The following AIRIM variants were observed in gnomAD, a reference collection of about 807,000 sequenced individuals.
AIRIM encodes the protein AFG2 interacting ribosome maturation factor.
At chr1:37,689,960 G>A in the AIRIM span, 5 of 1,470,950 alleles carry the variant, frequency 3.4e-6, no homozygotes, top group Non-Finnish European at 4.5e-6. Context: ...GTCGAGGGTG[G>A]GCGTCATCTC....
the AIRIM span, chr1:37,690,312 G>T: frequency 7.7e-7 from 1 of 1,290,928 alleles, no homozygotes; most frequent in South Asian, 1.2e-5. Context: ...GGAGACCCTG[G>T]TTTCCCCTCG....
the AIRIM span, chr1:37,686,526 C>T: frequency 6.9e-7 from 1 of 1,448,596 alleles, no homozygotes. Flanking sequence ...TTTGGCACTA[C>T]TGATATTTTG....
the AIRIM span, chr1:37,683,559 G>T: frequency 8.6e-7 from 1 of 1,158,090 alleles, no homozygotes; most frequent in Non-Finnish European, 1.2e-6. Context: ...CATTTTACCA[G>T]GTGGGCCTGA....
chr1:37,685,733 CCT>C, the AIRIM span, among the ~76,000 whole-genome samples: 15 of 152,258 alleles, frequency 9.9e-5, no homozygotes, highest in South Asian at 1.5e-3. Context: ...AGTCGAGCCC[CCT>C]GTCTTTCTAC....
At chr1:37,686,357 G>C in the AIRIM span, 1 of 1,614,080 alleles carries the variant, frequency 6.2e-7, no homozygotes, top group Non-Finnish European at 8.5e-7. Context: ...CTGCAGGACA[G>C]CATCAATGCC....
At chr1:37,684,445 C>T in the AIRIM span, among the ~76,000 whole-genome samples, 16 of 152,136 alleles carry the variant, frequency 1.1e-4, no homozygotes, top group East Asian at 1.9e-3. Flanking sequence ...ATGGTGAAAC[C>T]GCCTCTCTAC....
chr1:37,692,180 ACAGCCGACCTGACCTAGTAGGCCCC>A, the AIRIM span: 1 of 165,008 alleles, frequency 6.1e-6, no homozygotes, highest in African/African-American at 2.4e-5. Context: ...GCAGAATCCT[ACAGCCGACCTGACCTAGTAGGCCCC>A]CAGCCCTCCA....
At chr1:37,689,655 T>TA in the AIRIM span, 1 of 1,613,554 alleles carries the variant, frequency 6.2e-7, no homozygotes, top group Admixed American at 1.7e-5. Context: ...ACCAGCTGCT[T>TA]ACGCCTCAGC....
At chr1:37,685,205 T>C in the AIRIM span, among the ~76,000 whole-genome samples, 2 of 32,386 alleles carry the variant, frequency 6.2e-5, no homozygotes, top group Non-Finnish European at 1.2e-4. Flanking sequence ...GGGGGGGGGG[T>C]GGGCGGGGGG....
At chr1:37,688,498 A>G in the AIRIM span, among the ~76,000 whole-genome samples, 35,774 of 152,056 alleles carry the variant, frequency 0.24, 4,387 homozygotes, top group Middle Eastern at 0.3. Context: ...ACATCCCACA[A>G]TTTAATTCAC....
At chr1:37,689,845 C>T in the AIRIM span, 13 of 1,586,430 alleles carry the variant, frequency 8.2e-6, no homozygotes, top group South Asian at 1.3e-4. Flanking sequence ...TCTTCAGCGC[C>T]TCCTGCACGG....
At chr1:37,683,210 T>A in the AIRIM span, 4 of 1,604,356 alleles carry the variant, frequency 2.5e-6, no homozygotes, top group Admixed American at 6.7e-5. Context: ...CCCGAGAACA[T>A]AAAACACACA....
At chr1:37,691,652 C>T in the AIRIM span, 2 of 152,858 alleles carry the variant, frequency 1.3e-5, no homozygotes, top group African/African-American at 4.8e-5. Context: ...GCGGGGCTCG[C>T]CGTCTACACG....
the AIRIM span, chr1:37,682,461 G>A: frequency 6.6e-6 from 1 of 152,572 alleles, no homozygotes; most frequent in African/African-American, 2.4e-5. Flanking sequence ...TGTCATTTTA[G>A]GAGTCTCACC....
chr1:37,681,961 C>T, the AIRIM span: 27 of 152,184 alleles, frequency 1.8e-4, 1 homozygote, highest in East Asian at 3.9e-4. Flanking sequence ...AGCAGTGGCT[C>T]ATGCCTGTAT....
the AIRIM span, among the ~76,000 whole-genome samples, chr1:37,688,580 T>A: frequency 6.6e-6 from 1 of 152,190 alleles, no homozygotes; most frequent in East Asian, 1.9e-4. Flanking sequence ...CTTGGCACCT[T>A]GTGCTTGGCA....
chr1:37,683,381 A>G, the AIRIM span: 39 of 1,614,046 alleles, frequency 2.4e-5, no homozygotes, highest in Admixed American at 2.8e-4. Context: ...CAAAGCTTGT[A>G]TGTTTGCCAA....
chr1:37,686,843 G>A, the AIRIM span, among the ~76,000 whole-genome samples: 1 of 152,056 alleles, frequency 6.6e-6, no homozygotes, highest in Non-Finnish European at 1.5e-5. Context: ...TGAGCGGGGT[G>A]GATCACCTGA....
chr1:37,683,642 G>A, the AIRIM span: 9 of 523,382 alleles, frequency 1.7e-5, no homozygotes, highest in Non-Finnish European at 3.0e-5. Context: ...AAAGAGGAAT[G>A]AAACCATCCC....
Sources: gnomAD v4.1 joint callset for allele counts (sites outside exome capture counted in the v4.1 genomes callset) on GRCh38, gnomAD v4.1.1 for gene constraint, MANE v1.5 for transcripts, NCBI Gene and HGNC (gene_info 2026-07-23, HGNC 2026-07-21) for gene names.